The following TCF7L2 variants were observed in gnomAD, a reference collection of about 807,000 sequenced individuals.
TCF7L2 encodes the protein transcription factor 7 like 2, also known as transcription factor 7-like 2.
A neutral mutation model predicts 77.9 loss-of-function variants in TCF7L2; 23 were observed. The ratio of observed to expected loss-of-function variants is 0.30; its 90% CI spans 0.21 to 0.42. The LOEUF is 0.42. TCF7L2 is among the 10% of genes least tolerant of loss of function. The pLI is 1.00. For missense variants in TCF7L2, 654 were observed against 793.1 expected (o/e 0.82, Z 2.11); for synonymous variants, 413 against 340.2 (o/e 1.21, Z -2.36).
At position 113,167,587 on chromosome 10, in the gene TCF7L2, G is replaced by C. The variant is rs926799199; in HGVS notation, c.*1615G>C. On this transcript the variant is annotated 3_prime_UTR_variant, in exon 14 of 14. Coordinates refer to ENST00000627217, the MANE Select transcript of TCF7L2 (RefSeq NM_001146274.2). ...CAAGTTCATTTTTAATGGTTTGGAA[G>C]CCATTTTTGTAATGAATAAATGTTC... 9.8e-6 allele frequency: 2 copies of C among 205,016 alleles called. No individual in the cohort carries two copies. Among genetic ancestry groups the C allele is most frequent in the African/African-American group, 4.6e-5 (2 of 43,778 alleles). The allele number at this position is 205,016 out of a possible 1,614,324, so 12.7% of individuals were successfully genotyped here. A position where few individuals can be genotyped will look rare whatever the true frequency, so the allele number is the denominator to read the frequency against.
At chr10:113,100,436 C>T (rs528610042) in intron 5 of TCF7L2, among the ~76,000 whole-genome samples, 2 of 151,880 alleles carry the variant, frequency 1.3e-5, no homozygotes, top group Admixed American at 6.6e-5. Context: ...TGATTGACGT[C>T]GGAAACATGA....
Position 113,165,939 on chromosome 10 carries a change from G to GAT in TCF7L2, c.1776_1777insAT (p.Pro593IlefsTer10). Reference sequence around the variant, plus strand: ...GCTCCCTGGCCGGGACCCAGCCCCAGCCGCTGTCGCTCGTCACCAAGTCTT... The same window carrying GAT: ...GCTCCCTGGCCGGGACCCAGCCCCAGATCCGCTGTCGCTCGTCACCAAGTCTT... On this transcript the variant is annotated frameshift_variant, in exon 14 of 14. Transcript: ENST00000627217. LOFTEE classifies it high-confidence loss of function. 1 of 1,544,870 alleles carries GAT rather than the reference G, an allele frequency of 6.5e-7. No individual in the cohort carries two copies. The highest frequency in any genetic ancestry group is 2.0e-5 in the Admixed American group (1 of 48,918).
chr10:113,078,858 A>G (rs1353061136), intron 5 of TCF7L2, among the ~76,000 whole-genome samples: 1 of 146,582 alleles, frequency 6.8e-6, no homozygotes, highest in East Asian at 2.0e-4. Context: ...TCTGAGATGG[A>G]ATTTTGCTCT....
intron 1 of TCF7L2, 112 bp from the exon 2 acceptor site, chr10:112,951,095 A>T: frequency 7.8e-7 from 1 of 1,287,374 alleles, no homozygotes; most frequent in Admixed American, 2.7e-5. Context: ...AAAACTTGTA[A>T]CCCTGTTTTT....
At chr10:113,014,550 T>C (rs1489567471) in intron 4 of TCF7L2, among the ~76,000 whole-genome samples, 1 of 152,108 alleles carries the variant, frequency 6.6e-6, no homozygotes, top group Non-Finnish European at 1.5e-5. Context: ...CCCAGCACTT[T>C]GGGAGGCCGA....
intron 4 of TCF7L2, among the ~76,000 whole-genome samples, chr10:113,004,904 C>G (rs183798279): frequency 5.5e-4 from 83 of 152,220 alleles, no homozygotes; most frequent in African/African-American, 1.7e-3. Flanking sequence ...AAACTCCCGA[C>G]CTCAGGCAAT....
At chr10:113,144,136 G>GTA in intron 7 of TCF7L2, 111 bp downstream of exon 7, 1 of 815,636 alleles carries the variant, frequency 1.2e-6, no homozygotes, top group African/African-American at 1.9e-5. Context: ...GTGTGTGTGT[G>GTA]TATGTGTGTG....
intron 7 of TCF7L2, among the ~76,000 whole-genome samples, chr10:113,145,291 C>T (rs2069156618): frequency 2.0e-5 from 3 of 152,036 alleles, no homozygotes; most frequent in Admixed American, 2.0e-4. Flanking sequence ...GAATAGTTCT[C>T]AGTGATCATT....
chr10:113,017,219 G>C (rs2047492350), intron 4 of TCF7L2, among the ~76,000 whole-genome samples: 1 of 152,178 alleles, frequency 6.6e-6, no homozygotes, highest in Non-Finnish European at 1.5e-5. Flanking sequence ...CTTAAACCAT[G>C]AGGGATTCTG....
chr10:112,990,505 G>A (rs11196183), intron 4 of TCF7L2, among the ~76,000 whole-genome samples: 20,737 of 151,672 alleles, frequency 0.14, 1,508 homozygotes, highest in Non-Finnish European at 0.15. Context: ...CCAGAAATTC[G>A]AGACCAGCCT....
Position 113,166,029 on chromosome 10 carries a change from T to C in TCF7L2, c.*57T>C. The C allele has an allele frequency of 7.1e-7, 1 of 1,411,178 alleles. No homozygotes were observed. The highest frequency in any genetic ancestry group is 2.6e-5 in the Admixed American group (1 of 37,812). The allele number at this position is 1,411,178 out of a possible 1,614,324, so 87.4% of individuals were successfully genotyped here. The stretch of plus-strand genomic sequence containing the variant: ...ATGGTTTTGTTTCACTTTTCTTAAT[T>C]TGCCCCCCACCCCCACCTTGAAAGG... On this transcript the variant is annotated 3_prime_UTR_variant, in exon 14 of 14. Transcript: ENST00000627217.
intron 5 of TCF7L2, among the ~76,000 whole-genome samples, chr10:113,048,555 C>T (rs182339951): frequency 1.8e-4 from 27 of 152,306 alleles, no homozygotes; most frequent in African/African-American, 6.0e-4. Context: ...AGGGCGTGGA[C>T]GTGTGTCTAC....
chr10:113,041,623 A>G (rs1487532896), intron 5 of TCF7L2, among the ~76,000 whole-genome samples: 1 of 152,198 alleles, frequency 6.6e-6, no homozygotes, highest in Non-Finnish European at 1.5e-5. Context: ...GGGACAGTGC[A>G]TAGGTGTAAA....
intron 11 of TCF7L2, 127 bp from the exon 12 acceptor site, chr10:113,157,894 G>C (rs928043043): frequency 4.2e-6 from 4 of 958,186 alleles, no homozygotes; most frequent in South Asian, 1.6e-5. Context: ...GACAAATACC[G>C]GGGGTTTGTG....
intron 5 of TCF7L2, among the ~76,000 whole-genome samples, chr10:113,115,960 A>G (rs759705379): frequency 6.6e-6 from 1 of 152,178 alleles, no homozygotes; most frequent in Non-Finnish European, 1.5e-5. Context: ...GTGTATCGAT[A>G]TAGCTCCTTA....
At chr10:113,094,854 C>T (rs534860261) in intron 5 of TCF7L2, among the ~76,000 whole-genome samples, 2 of 152,330 alleles carry the variant, frequency 1.3e-5, no homozygotes, top group African/African-American at 4.8e-5. Flanking sequence ...CACTGTGGCT[C>T]ATGCCTGAAA....
At chr10:113,043,487 G>C (rs1246870775) in intron 5 of TCF7L2, among the ~76,000 whole-genome samples, 1 of 152,184 alleles carries the variant, frequency 6.6e-6, no homozygotes, top group East Asian at 1.9e-4. Flanking sequence ...GTTCAGAGGA[G>C]AGAGGAAATC....
chr10:112,981,869 A>G (rs977964156), intron 4 of TCF7L2, among the ~76,000 whole-genome samples: 1 of 152,224 alleles, frequency 6.6e-6, no homozygotes, highest in African/African-American at 2.4e-5. Flanking sequence ...CAAAGTGACC[A>G]GGACTCCTGG....
At chr10:113,142,842 C>T (rs1181576808) in intron 6 of TCF7L2, among the ~76,000 whole-genome samples, 2 of 152,228 alleles carry the variant, frequency 1.3e-5, no homozygotes, top group Non-Finnish European at 2.9e-5. Context: ...TACTTTTCCT[C>T]TGCGAACATT....
Sources: allele counts gnomAD v4.1 joint callset (sites outside exome capture counted in the v4.1 genomes callset), GRCh38; gene constraint gnomAD v4.1.1; transcripts MANE v1.5; gene names NCBI Gene and HGNC (gene_info 2026-07-23, HGNC 2026-07-21).